MLPH: variants seen among roughly 807,000 people sequenced by gnomAD.
The protein encoded by MLPH is exophilin-3.
In MLPH, 51 loss-of-function variants were observed where a neutral mutation model predicts 72.1. That is an observed-to-expected ratio of 0.71 (90% CI 0.56 to 0.89). The LOEUF is 0.89. Ranked by LOEUF, MLPH falls within the 40% of genes least tolerant of loss-of-function variation. The pLI is 0.00. For missense variants in MLPH, 743 were observed against 759.9 expected (o/e 0.98, Z 0.26); for synonymous variants, 301 against 310.1 (o/e 0.97, Z 0.31).
chr2:237,504,133 A>G lies in MLPH; in HGVS notation c.111-6441A>G, dbSNP rs189754446. Among the ~76,000 whole-genome samples, 17 of 152,372 alleles carry G rather than the reference A, an allele frequency of 1.1e-4. No homozygotes were observed. In the East Asian group the frequency reaches 2.5e-3, roughly 22 times the overall value. On this transcript the variant is annotated intron_variant, in intron 2 of 15. Coordinates refer to ENST00000264605, the MANE Select transcript of MLPH (RefSeq NM_024101.7). ...ACAATCCTGCCGACACCTTGATGTT[A>G]GCTCAATGAATCCTGAGTCAAACTT...
At chr2:237,549,403 A>G in intron 14 of MLPH, 125 bp downstream of exon 14, 1 of 986,482 alleles carries the variant, frequency 1.0e-6, no homozygotes, top group Non-Finnish European at 1.6e-6. Context: ...CCTGACTCCC[A>G]AAAAACATTC....
At chr2:237,495,639 G>A (rs963219472) in intron 2 of MLPH, among the ~76,000 whole-genome samples, 1 of 152,182 alleles carries the variant, frequency 6.6e-6, no homozygotes, top group Admixed American at 6.5e-5. Flanking sequence ...GTGGGGAGGG[G>A]CCGGCGTCAG....
chr2:237,515,436 A>T (rs554416212), intron 4 of MLPH, among the ~76,000 whole-genome samples: 104 of 152,240 alleles, frequency 6.8e-4, no homozygotes, highest in African/African-American at 2.4e-3. Flanking sequence ...TGCCTCTGGG[A>T]GTGAAAACCA....
rs558216625 is a variant in MLPH at position 237,552,435 on chromosome 2, G to T, written c.1774G>T (p.Ala592Ser). 1.2e-6 allele frequency: 2 copies of T among 1,613,726 alleles called. No individual in the cohort carries two copies. The highest frequency in any genetic ancestry group is 1.7e-6 in the Non-Finnish European group (2 of 1,179,758). The stretch of plus-strand genomic sequence containing the variant: ...GAAAGGAATGGCCAGCCACACCTTC[G>T]CGGTAAAGTTTTCTCTCATTCTCTG... ...ARKGMASHTF[A>S]KPVVAHQS The change falls in exon 15 of 16, where the codon GCG becomes TCG. Residue 592 changes from alanine (A) to serine (S), a missense_variant and splice_region_variant. Transcript: ENST00000264605.
rs575461460 is a variant in MLPH at position 237,547,161 on chromosome 2, G to T, written c.1617+478G>T. Among the ~76,000 whole-genome samples, 39 of 152,372 alleles carry T rather than the reference G, an allele frequency of 2.6e-4. 1 individual carries two copies. Among genetic ancestry groups the T allele is most frequent in the African/African-American group, 7.7e-4 (32 of 41,592 alleles). On this transcript the variant is annotated intron_variant, in intron 13 of 15. Transcript: ENST00000264605. Reference sequence around the variant, plus strand: ...CTGCCCTTCCCTGAACAGGCACAGCGGGCCCGTGGCCTGGGGACTTCTTCC... The same window carrying T: ...CTGCCCTTCCCTGAACAGGCACAGCTGGCCCGTGGCCTGGGGACTTCTTCC...
chr2:237,539,309 T>TC (rs532826191), intron 9 of MLPH, among the ~76,000 whole-genome samples: 48 of 152,130 alleles, frequency 3.2e-4, no homozygotes, highest in African/African-American at 9.9e-4. Context: ...GGCAGACCGA[T>TC]CCCGGGGGCC....
At chr2:237,536,722 T>A (rs76999802) in intron 9 of MLPH, among the ~76,000 whole-genome samples, 203 of 152,222 alleles carry the variant, frequency 1.3e-3, no homozygotes, top group African/African-American at 4.7e-3. Flanking sequence ...TGGAGATCTG[T>A]CACTCACCTC....
At chr2:237,515,557 G>C (rs536974430) in intron 4 of MLPH, among the ~76,000 whole-genome samples, 4 of 152,148 alleles carry the variant, frequency 2.6e-5, no homozygotes, top group Non-Finnish European at 5.9e-5. Flanking sequence ...GAAACCACGC[G>C]GTCGTTTCAC....
intron 5 of MLPH, 77 bp from the exon 6 acceptor site, chr2:237,519,833 G>C: frequency 6.2e-7 from 1 of 1,604,428 alleles, no homozygotes. Flanking sequence ...GTGTGGGGTT[G>C]GGGAGGTGCA....
At position 237,493,944 on chromosome 2, in the gene MLPH, G is replaced by A. The variant is rs556096134; in HGVS notation, c.110+408G>A. Among the ~76,000 whole-genome samples, 120 of 152,220 alleles carry A rather than the reference G, an allele frequency of 7.9e-4. 2 individuals are homozygous for A. In the South Asian group the frequency reaches 0.023, roughly 29 times the overall value. On this transcript the variant is annotated intron_variant, in intron 2 of 15. Transcript: ENST00000264605. ...CCACCTCTCTTTTCAGCAATGCCAG[G>A]TAGCATCCCGTCCTCACCATGGGTG...
chr2:237,504,082 C>G (rs960304523), intron 2 of MLPH, among the ~76,000 whole-genome samples: 1 of 152,200 alleles, frequency 6.6e-6, no homozygotes, highest in Non-Finnish European at 1.5e-5. Flanking sequence ...AGAGCAGATT[C>G]CCCTCTGGGG....
At chr2:237,495,010 A>T (rs1168634227) in intron 2 of MLPH, among the ~76,000 whole-genome samples, 2 of 152,022 alleles carry the variant, frequency 1.3e-5, no homozygotes, top group African/African-American at 4.8e-5. Flanking sequence ...TGGAGGGAGG[A>T]CCCATCTCTC....
intron 8 of MLPH, among the ~76,000 whole-genome samples, chr2:237,533,870 G>T (rs565066540): frequency 3.8e-4 from 58 of 152,230 alleles, no homozygotes; most frequent in Non-Finnish European, 7.6e-4. Flanking sequence ...GTGCTGTGAT[G>T]ATTCAACTAA....
rs751233109 is a variant in MLPH at position 237,553,546 on chromosome 2, T to A, written c.1777-20T>A. 8.6e-5 allele frequency: 138 copies of A among 1,613,232 alleles called. No individual in the cohort carries two copies. The highest frequency in any genetic ancestry group is 1.0e-4 in the Non-Finnish European group (119 of 1,179,702). On this transcript the variant is annotated intron_variant, in intron 15 of 15. Transcript: ENST00000264605. ...GTGTATGTGTGTGCTTATATGTGCATGTGTGTTTGTACTTTACAGAAACCT... is the reference window on the plus strand; with the variant it reads ...GTGTATGTGTGTGCTTATATGTGCAAGTGTGTTTGTACTTTACAGAAACCT...
chr2:237,488,602 T>G (rs1334315825), intron 1 of MLPH, among the ~76,000 whole-genome samples: 3 of 152,258 alleles, frequency 2.0e-5, no homozygotes, highest in African/African-American at 7.2e-5. Context: ...TCACTCAGGC[T>G]CTAAGAACAG....
At chr2:237,523,259 C>T (rs1195763434) in intron 6 of MLPH, among the ~76,000 whole-genome samples, 3 of 152,008 alleles carry the variant, frequency 2.0e-5, no homozygotes, top group South Asian at 4.1e-4. Context: ...AAGGCACATG[C>T]GATAGATGTT....
At chr2:237,546,548 T>C in intron 12 of MLPH, 58 bp from the exon 13 acceptor site, 3 of 1,480,300 alleles carry the variant, frequency 2.0e-6, no homozygotes. Context: ...CCCATGCCCA[T>C]GCTCCTCCCT....
At chr2:237,525,075 T>C (rs1018039848) in intron 6 of MLPH, among the ~76,000 whole-genome samples, 6 of 152,216 alleles carry the variant, frequency 3.9e-5, no homozygotes, top group African/African-American at 1.4e-4. Context: ...AAGCCCTCAG[T>C]ACCTCCTTTC....
chr2:237,538,671 A>G (rs2080593789), intron 9 of MLPH, among the ~76,000 whole-genome samples: 1 of 152,178 alleles, frequency 6.6e-6, no homozygotes, highest in Non-Finnish European at 1.5e-5. Flanking sequence ...TCCACCCCCA[A>G]CACACACACA....
Sources: allele counts gnomAD v4.1 joint callset (sites outside exome capture counted in the v4.1 genomes callset), GRCh38; gene constraint gnomAD v4.1.1; transcripts MANE v1.5; gene names NCBI Gene and HGNC (gene_info 2026-07-23, HGNC 2026-07-21).